Variants in ZZEF1 observed in about 807,000 individuals in gnomAD.
The protein encoded by ZZEF1 is zinc finger ZZ-type and EF-hand domain-containing protein 1.
A neutral mutation model predicts 342.8 loss-of-function variants in ZZEF1; 157 were observed. The observed-to-expected ratio is 0.46, with a 90% CI of 0.40 to 0.52. The LOEUF is 0.52. Among genes scored for constraint, ZZEF1 ranks in the 20% least tolerant of loss-of-function variants. The pLI is 0.00. For synonymous variants in ZZEF1, 1,505 were observed against 1,429.1 expected, an observed-to-expected ratio of 1.05 and a Z score of -1.20; for missense variants, 3,480 against 3,725.6, an observed-to-expected ratio of 0.93 and a Z score of 1.72.
At chr17:4,009,052 C>T in intron 53 of ZZEF1, 98 bp from the exon 54 acceptor site, 1 of 1,410,726 alleles carries the variant, frequency 7.1e-7, no homozygotes, top group East Asian at 2.5e-5. Context: ...GCAGAAGCCT[C>T]TCATGGGCGG....
intron 45 of ZZEF1, among the ~76,000 whole-genome samples, chr17:4,020,866 A>G (rs992090919): frequency 6.6e-6 from 1 of 152,268 alleles, no homozygotes; most frequent in African/African-American, 2.4e-5. Flanking sequence ...AAAATTTTAC[A>G]TACATGTTTG....
intron 42 of ZZEF1, among the ~76,000 whole-genome samples, chr17:4,030,482 G>A (rs1305684390): frequency 6.6e-6 from 1 of 152,208 alleles, no homozygotes; most frequent in African/African-American, 2.4e-5. Flanking sequence ...TTAAGGTATT[G>A]TCCCAAATTA....
At chr17:4,103,182 G>C (rs1217927745) in intron 8 of ZZEF1, among the ~76,000 whole-genome samples, 1 of 151,866 alleles carries the variant, frequency 6.6e-6, no homozygotes, top group Non-Finnish European at 1.5e-5. Context: ...TCAAAATTTA[G>C]GGAGGAAACT....
At chr17:4,138,482 A>C (rs2058790232) in intron 1 of ZZEF1, among the ~76,000 whole-genome samples, 1 of 152,198 alleles carries the variant, frequency 6.6e-6, no homozygotes, top group African/African-American at 2.4e-5. Context: ...TACAGACTGA[A>C]TATAAAATAT....
chr17:4,116,735 T>C (rs62071007), intron 3 of ZZEF1, among the ~76,000 whole-genome samples: 28,028 of 152,104 alleles, frequency 0.18, 2,882 homozygotes, highest in African/African-American at 0.28. Context: ...GAGGTGTTAA[T>C]TAGATAAAGC....
Position 4,095,888 on chromosome 17 carries a change from C to G in ZZEF1, c.1856G>C (p.Arg619Thr). 6.2e-7 allele frequency: 1 copy of G among 1,613,556 alleles called. No homozygotes were observed. Among genetic ancestry groups the G allele is most frequent in the Non-Finnish European group, 8.5e-7 (1 of 1,179,682 alleles). The part of the protein sequence containing the change: ...DKFCAEEHFK[R>T]FEKYDKWKLQ... The stretch of plus-strand genomic sequence containing the variant: ...CTTCCATTTGTCATATTTTTCAAAC[C>G]TTTTGAAGTGTTCTTCCGCACAAAA... The change falls in exon 11 of 55, where the codon AGG becomes ACG. Residue 619 changes from arginine to threonine, a missense_variant. Arg to Thr is a moderately conservative substitution (Grantham distance 71). Coordinates refer to ENST00000381638, the MANE Select transcript of ZZEF1 (RefSeq NM_015113.4).
chr17:4,020,381 T>C (rs2056238044), intron 45 of ZZEF1, among the ~76,000 whole-genome samples: 1 of 152,264 alleles, frequency 6.6e-6, no homozygotes, highest in African/African-American at 2.4e-5. Context: ...ATTGCATGTA[T>C]GCTCTGTGCC....
chr17:4,104,784 C>G lies in ZZEF1; in HGVS notation c.1422G>C (p.Leu474=). ...TTGCGAGAGCAAAAGCCAGAAGAGTCAGTTCTACCTCTGGGGTAGAACAGC... is the reference window on the plus strand; with the variant it reads ...TTGCGAGAGCAAAAGCCAGAAGAGTGAGTTCTACCTCTGGGGTAGAACAGC... ...TSCCSTPEVE[L]TLLAFALARG... Residue 474 remains leucine (L), a synonymous_variant, in exon 8 of 55, where the codon CTG becomes CTC. Coordinates refer to ENST00000381638, the MANE Select transcript of ZZEF1 (RefSeq NM_015113.4). 2 of 1,614,066 alleles carry G rather than the reference C, an allele frequency of 1.2e-6. No homozygotes were observed. The highest frequency in any genetic ancestry group is 1.7e-5 in the Admixed American group (1 of 60,010).
Position 4,009,708 on chromosome 17 carries a change from G to T in ZZEF1, c.8629C>A (p.His2877Asn). The T allele has an allele frequency of 3.1e-6, 5 of 1,614,150 alleles. No individual in the cohort carries two copies. The highest frequency in any genetic ancestry group is 4.2e-6 in the Non-Finnish European group (5 of 1,180,038). ...TCCTCAAACAGGCCGTACTCCATGT[G>T]GGTAAAGAGCTGCCACAGGGGCTTC... ...LLKPLWQLFT[H>N]MEYGLFEDVT... Residue 2877 changes from histidine to asparagine, a missense_variant, in exon 53 of 55, where the codon CAC (histidine) becomes AAC (asparagine). Around this residue, in one of 5 missense-constraint regions of ZZEF1, gnomAD observed 1,269 missense variants for 1,342.4 expected, o/e 0.95. Transcript: ENST00000381638.
chr17:4,020,917 G>A (rs186532424), intron 45 of ZZEF1, among the ~76,000 whole-genome samples: 1 of 152,320 alleles, frequency 6.6e-6, no homozygotes, highest in African/African-American at 2.4e-5. Context: ...AAGCTTTTGA[G>A]TTTATAACCC....
rs534187522 is a variant in ZZEF1, at chr17:4,102,835, TTC to T, written c.1574-422_1574-421del. Among the ~76,000 whole-genome samples, 7 of 152,272 alleles carry T rather than the reference TTC, an allele frequency of 4.6e-5. No individual in the cohort carries two copies. The East Asian group carries it at 1.3e-3, about 29-fold the overall frequency. On this transcript the variant is annotated intron_variant, in intron 8 of 54. Coordinates refer to ENST00000381638, the MANE Select transcript of ZZEF1 (RefSeq NM_015113.4). ...TTTAAATCATCTCTGCAGGCAAAAT[TTC>T]TGTTTCAAGAATTAGAAAAATCAAC... is the stretch of plus-strand genomic sequence containing the variant.
At chr17:4,037,997 T>G (rs1200133453) in intron 39 of ZZEF1, among the ~76,000 whole-genome samples, 5 of 152,346 alleles carry the variant, frequency 3.3e-5, no homozygotes, top group Admixed American at 2.6e-4. Flanking sequence ...TTTCTCTGAC[T>G]TTGATGACTG....
intron 40 of ZZEF1, 68 bp from the exon 41 acceptor site, chr17:4,033,070 C>T: frequency 2.1e-6 from 3 of 1,449,448 alleles, no homozygotes; most frequent in Non-Finnish European, 2.8e-6. Context: ...GAGCTCACTA[C>T]ACTCCAAGGC....
chr17:4,133,195 A>T (rs2058697070), intron 1 of ZZEF1, among the ~76,000 whole-genome samples: 1 of 152,224 alleles, frequency 6.6e-6, no homozygotes, highest in Admixed American at 6.5e-5. Flanking sequence ...CTTGGAAACT[A>T]TGAATCAATA....
chr17:4,127,071 G>A (rs569895710), intron 1 of ZZEF1, among the ~76,000 whole-genome samples: 61 of 151,484 alleles, frequency 4.0e-4, no homozygotes, highest in African/African-American at 1.4e-3. Context: ...GCAGTAGTGC[G>A]ATCAGCTCAC....
At chr17:4,076,439 T>G (rs951462608) in intron 21 of ZZEF1, 198 bp downstream of exon 21, 2 of 585,610 alleles carry the variant, frequency 3.4e-6, no homozygotes, top group African/African-American at 3.7e-5. Flanking sequence ...GGCCTCTGCG[T>G]CTCCTTTCTA....
intron 30 of ZZEF1, among the ~76,000 whole-genome samples, chr17:4,061,040 C>T (rs1033269432): frequency 1.3e-5 from 2 of 152,238 alleles, no homozygotes; most frequent in Non-Finnish European, 2.9e-5. Context: ...TTCTCTGCTC[C>T]CTTTGAGGCC....
intron 34 of ZZEF1, 73 bp from the exon 35 acceptor site, chr17:4,052,209 C>T: frequency 7.0e-7 from 1 of 1,436,592 alleles, no homozygotes; most frequent in South Asian, 1.3e-5. Flanking sequence ...AAACCCAAAC[C>T]AACCCCAGCA....
intron 8 of ZZEF1, 103 bp downstream of exon 8, chr17:4,104,530 C>A (rs1193959177): frequency 1.4e-5 from 18 of 1,309,704 alleles, no homozygotes; most frequent in Non-Finnish European, 1.8e-5. Flanking sequence ...ACTATAACAA[C>A]CCAAAAAGAT....
Sources: allele counts gnomAD v4.1 joint callset (sites outside exome capture counted in the v4.1 genomes callset), GRCh38; gene constraint gnomAD v4.1.1; regional missense constraint gnomAD v4.1.1; transcripts MANE v1.5; gene names NCBI Gene and HGNC (gene_info 2026-07-23, HGNC 2026-07-21).